ATP13A4: variants seen among roughly 807,000 people sequenced by gnomAD.
ATP13A4 encodes probable cation-transporting ATPase 13A4.
In ATP13A4, 114 loss-of-function variants were observed where a neutral mutation model predicts 142.5. That is an observed-to-expected ratio of 0.80 (90% CI 0.69 to 0.93). The LOEUF (loss-of-function observed/expected upper bound fraction) is 0.93, where lower values mean the gene tolerates loss of function less well. ATP13A4 is among the 40% of genes least tolerant of loss of function. The pLI is 0.00. For synonymous variants in ATP13A4, 488 were observed against 514.8 expected (o/e 0.95, Z 0.70); for missense variants, 1,392 against 1,454.0 (o/e 0.96, Z 0.69).
At chr3:193,541,117 C>G (rs1414839963) in intron 1 of ATP13A4, among the ~76,000 whole-genome samples, 1 of 150,574 alleles carries the variant, frequency 6.6e-6, no homozygotes, top group African/African-American at 2.5e-5. Context: ...GGCGTGGTGG[C>G]AGGCGCCTGT....
At chr3:193,588,279 C>T (rs181467840) in intron 1 of ATP13A4, among the ~76,000 whole-genome samples, 140 of 152,272 alleles carry the variant, frequency 9.2e-4, no homozygotes, top group African/African-American at 3.2e-3. Context: ...ATTGCAAGCC[C>T]CATCTCCCTG....
At chr3:193,590,412 G>C (rs184915640) in intron 1 of ATP13A4, among the ~76,000 whole-genome samples, 38 of 152,254 alleles carry the variant, frequency 2.5e-4, no homozygotes, top group Admixed American at 1.8e-3. Context: ...CTATAGTAAT[G>C]ATGTTATCTA....
chr3:193,486,934 C>T (rs1030757192), intron 7 of ATP13A4, among the ~76,000 whole-genome samples: 2 of 152,134 alleles, frequency 1.3e-5, no homozygotes, highest in Non-Finnish European at 2.9e-5. Flanking sequence ...ATATTTGCTT[C>T]ATTTGCCTAA....
intron 27 of ATP13A4, 124 bp from the exon 28 acceptor site, chr3:193,411,194 G>T: frequency 1.4e-6 from 1 of 734,144 alleles, no homozygotes; most frequent in Non-Finnish European, 2.5e-6. Context: ...CCAAATACTA[G>T]ATGGAAAGTA....
chr3:193,573,449 C>T (rs1560287476), intron 2 of ATP13A4, among the ~76,000 whole-genome samples: 1 of 151,722 alleles, frequency 6.6e-6, no homozygotes, highest in Non-Finnish European at 1.5e-5. Flanking sequence ...GAGCACCTTC[C>T]CAAGGCTCCT....
At chr3:193,434,071 G>A (rs1716122634) in intron 24 of ATP13A4, among the ~76,000 whole-genome samples, 154 bp from the exon 25 acceptor site, 2 of 152,128 alleles carry the variant, frequency 1.3e-5, no homozygotes, top group South Asian at 4.1e-4. Context: ...GGTGAGTGAT[G>A]GTGTTGGTGG....
At chr3:193,467,169 C>T in intron 10 of ATP13A4, 147 bp downstream of exon 10, 2 of 756,196 alleles carry the variant, frequency 2.6e-6, no homozygotes, top group East Asian at 5.5e-5. Context: ...AGTATATACA[C>T]AGCTACTATA....
At chr3:193,573,291 A>ATT (rs1229123365) in intron 2 of ATP13A4, among the ~76,000 whole-genome samples, 15,473 of 73,902 alleles carry the variant, frequency 0.21, 1,622 homozygotes, top group Non-Finnish European at 0.24. Flanking sequence ...ATATATATAC[A>ATT]CATATATATA....
At chr3:193,499,696 T>C (rs1720432112) in intron 3 of ATP13A4, among the ~76,000 whole-genome samples, 1 of 152,206 alleles carries the variant, frequency 6.6e-6, no homozygotes, top group South Asian at 2.1e-4. Flanking sequence ...GCTATCTACT[T>C]ATTAATTATA....
At chr3:193,591,209 A>G (rs544814588) in intron 1 of ATP13A4, among the ~76,000 whole-genome samples, 6 of 152,132 alleles carry the variant, frequency 3.9e-5, no homozygotes, top group Admixed American at 3.9e-4. Flanking sequence ...TAATTTTTTT[A>G]TTTTTAGTAG....
intron 2 of ATP13A4, among the ~76,000 whole-genome samples, chr3:193,507,989 A>C (rs1720947272): frequency 6.6e-6 from 1 of 152,168 alleles, no homozygotes; most frequent in African/African-American, 2.4e-5. Flanking sequence ...AAAGCCTTTA[A>C]GAAGGTAATT....
chr3:193,464,856 T>G, intron 12 of ATP13A4, 84 bp downstream of exon 12: 1 of 1,436,040 alleles, frequency 7.0e-7, no homozygotes. Context: ...CTATGTCTCC[T>G]GCCTTGCAAG....
At chr3:193,554,246 T>C (rs1723761191) in intron 1 of ATP13A4, 1 of 183,588 alleles carries the variant, frequency 5.4e-6, no homozygotes, top group Admixed American at 5.4e-5. Flanking sequence ...TAATTGTTAA[T>C]ATTGCATGTC....
At chr3:193,578,886 T>G (rs897595996) in intron 2 of ATP13A4, 3 of 180,086 alleles carry the variant, frequency 1.7e-5, no homozygotes, top group Non-Finnish European at 3.6e-5. Context: ...GTTTTCTTAA[T>G]GTACATGCTG....
intron 21 of ATP13A4, among the ~76,000 whole-genome samples, chr3:193,439,329 C>G (rs190504168): frequency 1.2e-4 from 19 of 152,248 alleles, no homozygotes; most frequent in Non-Finnish European, 2.4e-4. Context: ...AGCTGTAAGA[C>G]AGAGGTGCTC....
At chr3:193,478,501 A>G (rs1002749302) in intron 8 of ATP13A4, among the ~76,000 whole-genome samples, 15 of 152,018 alleles carry the variant, frequency 9.9e-5, no homozygotes, top group Non-Finnish European at 8.8e-5. Context: ...GAACACCTAT[A>G]TGCAAATAAA....
chr3:193,549,429 TATATAGAGAG>T (rs774153309), intron 1 of ATP13A4, among the ~76,000 whole-genome samples: 2 of 142,594 alleles, frequency 1.4e-5, no homozygotes, highest in Non-Finnish European at 3.1e-5. Context: ...TATATATATA[TATATAGAGAG>T]AGAGAGAGAG....
At chr3:193,463,400 C>G (rs998613041) in intron 12 of ATP13A4, among the ~76,000 whole-genome samples, 1 of 127,834 alleles carries the variant, frequency 7.8e-6, no homozygotes, top group Non-Finnish European at 1.6e-5. Context: ...TGAACAGACT[C>G]GAAAGAAATG....
In ATP13A4 at chr3:193,441,501, C is replaced by T. The variant is rs866332354; in HGVS notation, c.2404G>A (p.Val802Ile). Reference sequence around the variant, plus strand: ...AGGCTGCTGAAATGTTGACTTATAACATGAAAGGATTTTCCAGTTAGGGCA... The same window carrying T: ...AGGCTGCTGAAATGTTGACTTATAATATGAAAGGATTTTCCAGTTAGGGCA... ...HFALTGKSFHVISQHFSSLLP... is the reference protein window; with the variant it reads ...HFALTGKSFHIISQHFSSLLP... Residue 802 changes from valine to isoleucine, a missense_variant, in exon 20 of 30, where the codon GTT (valine) becomes ATT (isoleucine). By Grantham distance (29) the Val-to-Ile change is conservative (BLOSUM62 3). Transcript: ENST00000342695. The T allele has an allele frequency of 1.9e-6, 3 of 1,613,716 alleles. No homozygotes were observed. Among genetic ancestry groups the T allele is most frequent in the African/African-American group, 2.7e-5 (2 of 74,916 alleles).
Sources: gnomAD v4.1 joint callset for allele counts (sites outside exome capture counted in the v4.1 genomes callset) on GRCh38, gnomAD v4.1.1 for gene constraint, MANE v1.5 for transcripts, NCBI Gene and HGNC (gene_info 2026-07-23, HGNC 2026-07-21) for gene names.